The following KIAA0825 variants were observed in gnomAD, a reference collection of about 807,000 sequenced individuals.
The protein encoded by KIAA0825 is uncharacterized protein KIAA0825.
In KIAA0825, 119 loss-of-function variants were observed where a neutral mutation model predicts 147.6. That is an observed-to-expected ratio of 0.81 (90% CI 0.69 to 0.94). The LOEUF (loss-of-function observed/expected upper bound fraction) is 0.94, where lower values mean the gene tolerates loss of function less well. KIAA0825 is among the 40% of genes least tolerant of loss of function. KIAA0825 has a pLI of 0.00. For missense variants in KIAA0825, 1,381 were observed against 1,472.7 expected (o/e 0.94, Z 1.02); for synonymous variants, 470 against 518.1 (o/e 0.91, Z 1.26).
chr5:94,504,656 T>C (rs992545423), intron 5 of KIAA0825, among the ~76,000 whole-genome samples: 1 of 152,130 alleles, frequency 6.6e-6, no homozygotes, highest in African/African-American at 2.4e-5. Context: ...TATAAATCTT[T>C]ATTAACACAG....
intron 20 of KIAA0825, among the ~76,000 whole-genome samples, chr5:94,298,655 A>C (rs1778250632): frequency 2.0e-5 from 3 of 152,078 alleles, no homozygotes; most frequent in African/African-American, 7.2e-5. Flanking sequence ...CTCACATCTC[A>C]TTCATGTAGA....
intron 13 of KIAA0825, among the ~76,000 whole-genome samples, chr5:94,450,206 T>C (rs1156293955): frequency 6.6e-6 from 1 of 151,572 alleles, no homozygotes; most frequent in Non-Finnish European, 1.5e-5. Flanking sequence ...ATAAAAACTA[T>C]AACCCCACCA....
chr5:94,358,854 G>A (rs1451879776), intron 20 of KIAA0825, among the ~76,000 whole-genome samples: 2 of 152,046 alleles, frequency 1.3e-5, no homozygotes, highest in African/African-American at 4.8e-5. Flanking sequence ...ACTATTTAAG[G>A]AAATATTTTT....
rs17316284 is a variant in KIAA0825 at position 94,172,274 on chromosome 5, A to G, written c.3711-18150T>C. On this transcript the variant is annotated intron_variant, in intron 20 of 20. Transcript: ENST00000682413. ...TACTTGTCTGAAATTCATTATAACC[A>G]TGTCATACTAGCTGCTATAATAGAC... is the stretch of plus-strand genomic sequence containing the variant. Among the ~76,000 whole-genome samples the G allele has an allele frequency of 7.0e-3, 1,060 of 152,304 alleles. 9 individuals are homozygous for G. Among genetic ancestry groups the G allele is most frequent in the Non-Finnish European group, 9.2e-3 (624 of 68,022 alleles).
intron 20 of KIAA0825, among the ~76,000 whole-genome samples, chr5:94,163,397 CT>C (rs1767750859): frequency 6.6e-6 from 1 of 152,132 alleles, no homozygotes; most frequent in African/African-American, 2.4e-5. Flanking sequence ...CTTCTTCCGA[CT>C]TTCTTTACCA....
At chr5:94,510,492 G>A (rs1203027379) in intron 5 of KIAA0825, among the ~76,000 whole-genome samples, 25 of 152,184 alleles carry the variant, frequency 1.6e-4, no homozygotes. Context: ...ACATTGATAG[G>A]TTTTGTTTTT....
intron 20 of KIAA0825, among the ~76,000 whole-genome samples, chr5:94,311,668 T>A (rs1368259195): frequency 6.6e-6 from 1 of 151,652 alleles, no homozygotes; most frequent in Non-Finnish European, 1.5e-5. Flanking sequence ...ATATAATTTC[T>A]ATTTGTCTCT....
chr5:94,261,481 C>T (rs981358636), intron 20 of KIAA0825, among the ~76,000 whole-genome samples: 5 of 151,858 alleles, frequency 3.3e-5, no homozygotes, highest in Admixed American at 2.6e-4. Context: ...AATGAAAACA[C>T]CCAGTTGCAT....
chr5:94,322,023 C>T (rs1276254499), intron 20 of KIAA0825, among the ~76,000 whole-genome samples: 1 of 151,680 alleles, frequency 6.6e-6, no homozygotes, highest in African/African-American at 2.4e-5. Context: ...CATTAAAGGC[C>T]ACACAAAAAT....
At chr5:94,551,322 C>CTGGGAGAGG (rs1775498697) in intron 2 of KIAA0825, among the ~76,000 whole-genome samples, 1 of 151,754 alleles carries the variant, frequency 6.6e-6, no homozygotes, top group Non-Finnish European at 1.5e-5. Flanking sequence ...GAAAATTTAC[C>CTGGGAGAGG]AAGTCCTGGG....
rs186776155 is a variant in KIAA0825, at chr5:94,608,995, A to G, written c.-153+9505T>C. 1.1e-4 allele frequency among the ~76,000 whole-genome samples: 16 copies of G among 152,314 alleles called. No individual in the cohort carries two copies. In the East Asian group the frequency reaches 2.5e-3, roughly 24 times the overall value. ...TTATGTATTTGTAAAAGATTTATTA[A>G]AAGTACAAAATAGACCAAGGGATTT... On this transcript the variant is annotated intron_variant, in intron 1 of 20. Coordinates refer to ENST00000682413, the MANE Select transcript of KIAA0825 (RefSeq NM_001145678.3).
intron 20 of KIAA0825, among the ~76,000 whole-genome samples, chr5:94,267,617 C>T (rs773669176): frequency 6.6e-6 from 1 of 152,240 alleles, no homozygotes; most frequent in Admixed American, 6.5e-5. Flanking sequence ...TATTAGACTT[C>T]GTCATATCAA....
chr5:94,462,604 C>G, intron 11 of KIAA0825, 35 bp from the exon 12 acceptor site: 1 of 1,301,462 alleles, frequency 7.7e-7, no homozygotes, highest in Non-Finnish European at 1.0e-6. Flanking sequence ...TCATGTTAAA[C>G]AAAATAATGT....
rs529741431 is a variant in KIAA0825, at chr5:94,152,507, G to C, written c.*1500C>G. 6.6e-6 allele frequency among the ~76,000 whole-genome samples: 1 copy of C among 151,984 alleles called. No homozygotes were observed. Among genetic ancestry groups the C allele is most frequent in the Non-Finnish European group, 1.5e-5 (1 of 67,960 alleles). On this transcript the variant is annotated 3_prime_UTR_variant, in exon 21 of 21. Transcript: ENST00000682413. Reference sequence around the variant, plus strand: ...GTTCAAGTCCAGCCTGGGCAACATAGTGAGACCCCATCTCTACAAAAACAT... The same window carrying C: ...GTTCAAGTCCAGCCTGGGCAACATACTGAGACCCCATCTCTACAAAAACAT...
chr5:94,478,266 G>C (rs1019856840), intron 6 of KIAA0825, among the ~76,000 whole-genome samples: 3 of 152,080 alleles, frequency 2.0e-5, no homozygotes, highest in Non-Finnish European at 2.9e-5. Context: ...ATTCCATTTG[G>C]TTGGCAATAA....
At chr5:94,383,823 G>GTA (rs1554268496) in intron 20 of KIAA0825, among the ~76,000 whole-genome samples, 1 of 149,272 alleles carries the variant, frequency 6.7e-6, no homozygotes, top group Non-Finnish European at 1.5e-5. Context: ...GTGTGTGTGT[G>GTA]TATCTTTGTG....
At chr5:94,264,186 T>A (rs551142329) in intron 20 of KIAA0825, among the ~76,000 whole-genome samples, 76 of 152,206 alleles carry the variant, frequency 5.0e-4, no homozygotes, top group Non-Finnish European at 8.8e-4. Flanking sequence ...GCTGAATTGA[T>A]TGACTTTTCA....
chr5:94,524,285 T>A (rs540849598), intron 3 of KIAA0825, among the ~76,000 whole-genome samples, 187 bp from the exon 4 acceptor site: 1 of 151,730 alleles, frequency 6.6e-6, no homozygotes, highest in Middle Eastern at 3.4e-3. Flanking sequence ...TCAAATTTTC[T>A]GGCAGTAAAA....
chr5:94,614,975 CTT>C (rs780283937), intron 1 of KIAA0825, among the ~76,000 whole-genome samples: 42 of 151,934 alleles, frequency 2.8e-4, no homozygotes, highest in Middle Eastern at 3.4e-3. Flanking sequence ...AGTCAACCCA[CTT>C]AACGCTCACA....
Sources: gnomAD v4.1 joint callset for allele counts (sites outside exome capture counted in the v4.1 genomes callset) on GRCh38, gnomAD v4.1.1 for gene constraint, MANE v1.5 for transcripts, NCBI Gene and HGNC (gene_info 2026-07-23, HGNC 2026-07-21) for gene names.